PPP1R16A: variants seen among roughly 807,000 people sequenced by gnomAD.
PPP1R16A encodes the protein protein phosphatase 1 regulatory subunit 16A.
In PPP1R16A, 39 loss-of-function variants were observed where a neutral mutation model predicts 46.6. The observed-to-expected ratio is 0.84, with a 90% CI of 0.65 to 1.09. The LOEUF (loss-of-function observed/expected upper bound fraction) is 1.09, where lower values mean the gene tolerates loss of function less well. Among genes scored for constraint, PPP1R16A ranks in the 50% least tolerant of loss-of-function variants. The pLI is 0.00. For synonymous variants in PPP1R16A, 413 were observed against 321.5 expected, an observed-to-expected ratio of 1.28 and a Z score of -3.04; for missense variants, 798 against 735.6, an observed-to-expected ratio of 1.08 and a Z score of -0.98.
At position 144,497,331 on chromosome 8, in the gene PPP1R16A, G is replaced by A. The variant is rs1564766657; in HGVS notation, c.137G>A (p.Gly46Asp). The A allele has an allele frequency of 1.2e-6, 2 of 1,612,626 alleles. No homozygotes were observed. Among genetic ancestry groups the A allele is most frequent in the Non-Finnish European group, 1.7e-6 (2 of 1,179,892 alleles). The change falls in exon 3 of 12, where the codon GGC (glycine) becomes GAC (aspartate). Residue 46 changes from glycine (G) to aspartate (D), a missense_variant. By Grantham distance (94) the Gly-to-Asp change is moderately conservative (BLOSUM62 -1). Transcript: ENST00000435887. ...GCCCAGGCTGAGAAGGAGGCCCAGG[G>A]CAAGAAGGGTCCTGGGGAGCGTCCC... ...MWAQAEKEAQ[G>D]KKGPGERPRK...
At position 144,481,320 on chromosome 8, in the gene PPP1R16A, A is replaced by G. The variant is rs115103902; in HGVS notation, c.-914+3193A>G. On this transcript the variant is annotated intron_variant, in intron 1 of 11. Transcript: ENST00000435887. Reference sequence around the variant, plus strand: ...GCCCAGGCAATAGTGATCGCTTTCTATTACTGTAGGTTTGGCGTCCCTTTT... The same window carrying G: ...GCCCAGGCAATAGTGATCGCTTTCTGTTACTGTAGGTTTGGCGTCCCTTTT... 7.1e-3 allele frequency among the ~76,000 whole-genome samples: 1,075 copies of G among 151,826 alleles called. 10 individuals are homozygous for G. The highest frequency in any genetic ancestry group is 0.025 in the African/African-American group (1,019 of 41,390).
chr8:144,500,800 C>T, intron 9 of PPP1R16A, 39 bp downstream of exon 9: 1 of 1,604,004 alleles, frequency 6.2e-7, no homozygotes, highest in Non-Finnish European at 8.5e-7. Context: ...GGGGAGAGGA[C>T]AGGCGGGGAG....
chr8:144,490,716 G>A (rs1462860471), intron 2 of PPP1R16A, among the ~76,000 whole-genome samples: 1 of 152,198 alleles, frequency 6.6e-6, no homozygotes, highest in Admixed American at 6.5e-5. Context: ...CCTTCTGAGA[G>A]TCCAGCACTG....
Position 144,501,201 on chromosome 8 carries a change from C to T in PPP1R16A, c.1110C>T (p.Ile370=), listed in dbSNP as rs925866151. 3.1e-6 allele frequency: 5 copies of T among 1,609,572 alleles called. No individual in the cohort carries two copies. Among genetic ancestry groups the T allele is most frequent in the South Asian group, 1.1e-5 (1 of 91,028 alleles). ...GCAAGCAGCACGCCCAGGAGGCCAT[C>T]GTGTGGCAACAGCCGCCGCCCACCA... The part of the protein sequence containing the change: ...LYRKQHAQEA[I]VWQQPPPTSP... Residue 370 remains isoleucine (I), a synonymous_variant, in exon 11 of 12, where the codon ATC becomes ATT. Transcript: ENST00000435887.
Position 144,498,982 on chromosome 8 carries a change from T to C in PPP1R16A, c.397T>C (p.Cys133Arg). The C allele has an allele frequency of 1.9e-6, 3 of 1,611,688 alleles. No homozygotes were observed. The highest frequency in any genetic ancestry group is 2.5e-6 in the Non-Finnish European group (3 of 1,179,442). ...GGAGGCTGGGGCCAACATCAATGCC[T>C]GTGACAGTGAGTGCTGGACGCCTCT... ...LLEAGANINACDSECWTPLHA... is the reference protein window; with the variant it reads ...LLEAGANINARDSECWTPLHA... The change falls in exon 5 of 12, where the codon TGT becomes CGT. Residue 133 changes from cysteine (C) to arginine (R), a missense_variant. Cys to Arg is a radical substitution (Grantham distance 180, BLOSUM62 -3). Transcript: ENST00000435887.
chr8:144,500,385 C>G lies in PPP1R16A; in HGVS notation c.699C>G (p.Ala233=). 2 of 1,528,038 alleles carry G rather than the reference C, an allele frequency of 1.3e-6. No homozygotes were observed. Among genetic ancestry groups the G allele is most frequent in the Non-Finnish European group, 1.8e-6 (2 of 1,142,842 alleles). The allele number at this position is 1,528,038 out of a possible 1,614,324, so 94.7% of individuals were successfully genotyped here. A position where few individuals can be genotyped will look rare whatever the true frequency, so the allele number is the denominator to read the frequency against. The change falls in exon 7 of 12, where the codon GCC becomes GCG. Residue 233 remains alanine (A), a synonymous_variant. Coordinates refer to ENST00000435887, the MANE Select transcript of PPP1R16A (RefSeq NM_001329443.2). The part of the protein sequence containing the change: ...ADLHAPLDHG[A]TLLHVAAANG... ...TCCATGCCCCCCTGGACCACGGGGC[C>G]ACGCTGGTGAGGGCTGGGGGGTGAG...
rs377310794 is a variant in PPP1R16A at position 144,480,202 on chromosome 8, G to A, written c.-914+2075G>A. ...AGAAGGAGCAGCTGATGAAGGTGGC[G>A]GTGATGATGAAGCTGGTAGCACCAA... On this transcript the variant is annotated intron_variant, in intron 1 of 11. Transcript: ENST00000435887. 7.2e-5 allele frequency among the ~76,000 whole-genome samples: 11 copies of A among 152,346 alleles called. No homozygotes were observed. In the East Asian group the frequency reaches 1.2e-3, roughly 16 times the overall value.
chr8:144,495,029 CAGGCTT>C (rs1222706437), intron 2 of PPP1R16A, among the ~76,000 whole-genome samples: 1 of 152,196 alleles, frequency 6.6e-6, no homozygotes, highest in African/African-American at 2.4e-5. Flanking sequence ...CAGAGCTGGC[CAGGCTT>C]AGGAGCAGGC....
chr8:144,492,517 A>G (rs1825856480), intron 2 of PPP1R16A, among the ~76,000 whole-genome samples: 1 of 151,804 alleles, frequency 6.6e-6, no homozygotes, highest in Admixed American at 6.6e-5. Flanking sequence ...TTGTATTTTT[A>G]GTAGAGATGG....
At chr8:144,492,191 G>A (rs993417441) in intron 2 of PPP1R16A, among the ~76,000 whole-genome samples, 2 of 152,168 alleles carry the variant, frequency 1.3e-5, no homozygotes, top group African/African-American at 2.4e-5. Context: ...TGTGGCACTC[G>A]GGCTTTCACC....
chr8:144,480,490 C>CT lies in PPP1R16A; in HGVS notation c.-914+2378dup, dbSNP rs751435629. ...CTACCATGCCAGTTAATTTTTATAT[C>CT]TTTTTTTTTTTTTTTGAGACAGAGT... On this transcript the variant is annotated intron_variant, in intron 1 of 11. Transcript: ENST00000435887. 9.6e-3 allele frequency among the ~76,000 whole-genome samples: 1,372 copies of CT among 143,482 alleles called. 12 individuals are homozygous for CT. Among genetic ancestry groups the CT allele is most frequent in the African/African-American group, 0.026 (1,039 of 39,250 alleles). The allele number at this position is 143,482 out of a possible 152,430, so 94.1% of individuals were successfully genotyped here.
chr8:144,501,222 C>T lies in PPP1R16A; in HGVS notation c.1131C>T (p.Pro377=). ...CCATCGTGTGGCAACAGCCGCCGCC[C>T]ACCAGCCCGGAGCCGCCCGAGGACA... ...QEAIVWQQPP[P]TSPEPPEDND... is the part of the protein sequence containing the mutation. The change falls in exon 11 of 12, where the codon CCC becomes CCT. Residue 377 remains proline (P), a synonymous_variant. Coordinates refer to ENST00000435887, the MANE Select transcript of PPP1R16A (RefSeq NM_001329443.2). The T allele has an allele frequency of 1.2e-6, 2 of 1,607,768 alleles. No individual in the cohort carries two copies. Among genetic ancestry groups the T allele is most frequent in the South Asian group, 1.1e-5 (1 of 90,936 alleles).
At chr8:144,485,494 A>G (rs965204823) in intron 1 of PPP1R16A, among the ~76,000 whole-genome samples, 2 of 151,226 alleles carry the variant, frequency 1.3e-5, no homozygotes, top group Admixed American at 6.6e-5. Flanking sequence ...ACTGCACTGC[A>G]GCCCGGGCAA....
At chr8:144,489,549 C>T (rs915457014) in intron 1 of PPP1R16A, among the ~76,000 whole-genome samples, 2 of 152,054 alleles carry the variant, frequency 1.3e-5, no homozygotes, top group African/African-American at 4.8e-5. Flanking sequence ...CCGGGGATGC[C>T]CTGTGTGTAG....
At chr8:144,482,655 CT>C (rs1192242667) in intron 1 of PPP1R16A, among the ~76,000 whole-genome samples, 3,287 of 118,470 alleles carry the variant, frequency 0.028, 138 homozygotes, top group African/African-American at 0.095. Flanking sequence ...GCCCAGCTAA[CT>C]TTTTTTTTTT....
rs187392279 is a variant in PPP1R16A at position 144,496,057 on chromosome 8, G to A, written c.-734-404G>A. 1,037 of 152,622 alleles carry A rather than the reference G, an allele frequency of 6.8e-3. 9 individuals are homozygous for A. The highest frequency in any genetic ancestry group is 0.01 in the Non-Finnish European group (706 of 68,274). 9.5% of individuals were successfully genotyped at this position (152,622 alleles called of 1,614,324 possible). A position where few individuals can be genotyped will look rare whatever the true frequency, so the allele number is the denominator to read the frequency against. On this transcript the variant is annotated intron_variant, in intron 2 of 11. Transcript: ENST00000435887. The stretch of plus-strand genomic sequence containing the variant: ...CAGGAGAGGTGGAGGCCCAGGAGGC[G>A]GGGCCTGCCCTTGGAAGGCAGTAGC...
Position 144,480,491 on chromosome 8 carries a change from T to G in PPP1R16A, c.-914+2364T>G, listed in dbSNP as rs928073004. Among the ~76,000 whole-genome samples the G allele has an allele frequency of 2.1e-5, 3 of 139,862 alleles. No homozygotes were observed. The East Asian group carries it at 6.1e-4, about 29-fold the overall frequency. 91.8% of individuals were successfully genotyped at this position (139,862 alleles called of 152,430 possible). ...TACCATGCCAGTTAATTTTTATATC[T>G]TTTTTTTTTTTTTTGAGACAGAGTC... On this transcript the variant is annotated intron_variant, in intron 1 of 11. Transcript: ENST00000435887.
rs1461971468 is a variant in PPP1R16A, at chr8:144,500,304, G to A, written c.618G>A (p.Val206=). 1.2e-5 allele frequency: 18 copies of A among 1,543,402 alleles called. No homozygotes were observed. The highest frequency in any genetic ancestry group is 1.4e-5 in the Non-Finnish European group (16 of 1,147,132). ...ACAGCATCGAGGCCGCCCGGGCCGT[G>A]CCAGAACTGCGCATGCTGGACGACA... ...TQDSIEAARA[V]PELRMLDDIR... The change falls in exon 7 of 12, where the codon GTG becomes GTA. Residue 206 remains valine (V), a synonymous_variant. Coordinates refer to ENST00000435887, the MANE Select transcript of PPP1R16A (RefSeq NM_001329443.2).
intron 3 of PPP1R16A, chr8:144,498,025 C>T (rs923422105): frequency 1.3e-5 from 6 of 456,250 alleles, no homozygotes; most frequent in Admixed American, 4.7e-5. Flanking sequence ...ACTTCTGGTG[C>T]TCTGGAGTCT....
Sources: allele counts gnomAD v4.1 joint callset (sites outside exome capture counted in the v4.1 genomes callset), GRCh38; gene constraint gnomAD v4.1.1; transcripts MANE v1.5; gene names NCBI Gene and HGNC (gene_info 2026-07-23, HGNC 2026-07-21).